Variants in VPS13A observed in about 807,000 individuals in gnomAD.
The protein encoded by VPS13A is vacuolar protein sorting 13 homolog A, also known as intermembrane lipid transfer protein VPS13A.
In VPS13A, 264 loss-of-function variants were observed where a neutral mutation model predicts 390.9. The observed-to-expected ratio is 0.68, with a 90% CI of 0.61 to 0.75. The LOEUF is 0.75. Ranked by LOEUF, VPS13A falls within the 30% of genes least tolerant of loss-of-function variation. The pLI, the probability that VPS13A is intolerant of heterozygous loss-of-function variation, is 0.00. For synonymous variants in VPS13A, 1,231 were observed against 1,227.1 expected (o/e 1.00, Z -0.07); for missense variants, 3,409 against 3,733.9 (o/e 0.91, Z 2.27).
intron 68 of VPS13A, among the ~76,000 whole-genome samples, chr9:77,398,139 T>C (rs1834195682): frequency 6.6e-6 from 1 of 152,164 alleles, no homozygotes; most frequent in African/African-American, 2.4e-5. Flanking sequence ...AAGATAGGAT[T>C]TTTGACACTA....
intron 12 of VPS13A, 76 bp downstream of exon 12, chr9:77,220,459 A>T: frequency 9.9e-7 from 1 of 1,008,680 alleles, no homozygotes; most frequent in Non-Finnish European, 1.5e-6. Flanking sequence ...CTTCAAGAAT[A>T]ATCTTTAAGA....
intron 3 of VPS13A, among the ~76,000 whole-genome samples, chr9:77,202,840 A>C (rs940000351): frequency 6.6e-6 from 1 of 152,192 alleles, no homozygotes; most frequent in African/African-American, 2.4e-5. Context: ...TTTGAGAGTC[A>C]TTTAAGGTGT....
intron 31 of VPS13A, among the ~76,000 whole-genome samples, chr9:77,290,517 GT>G (rs1312108229): frequency 1.3e-5 from 2 of 150,812 alleles, no homozygotes; most frequent in Admixed American, 6.6e-5. Context: ...TGGCTCCCCT[GT>G]TTTCTCCTCC....
At chr9:77,265,264 G>T (rs1300986493) in intron 23 of VPS13A, among the ~76,000 whole-genome samples, 2 of 152,072 alleles carry the variant, frequency 1.3e-5, no homozygotes, top group African/African-American at 4.8e-5. Flanking sequence ...TCTCTTTTTT[G>T]TGTGTGTCTC....
At chr9:77,326,257 ATTTGGGG>A (rs2131464674) in intron 45 of VPS13A, among the ~76,000 whole-genome samples, 1 of 151,582 alleles carries the variant, frequency 6.6e-6, no homozygotes, top group East Asian at 1.9e-4. Flanking sequence ...TGTTCCTTGT[ATTTGGGG>A]TTTACTGACC....
chr9:77,317,540 A>G, intron 39 of VPS13A, 66 bp from the exon 40 acceptor site: 5 of 1,226,518 alleles, frequency 4.1e-6, no homozygotes, highest in South Asian at 1.4e-5. Context: ...TTACTAGGAA[A>G]GTCTTTAAAT....
chr9:77,400,359 T>C (rs1206325043), intron 68 of VPS13A, among the ~76,000 whole-genome samples: 4 of 151,962 alleles, frequency 2.6e-5, no homozygotes, highest in African/African-American at 9.7e-5. Context: ...ACTCTATATC[T>C]CTGTATTGAC....
intron 31 of VPS13A, 87 bp from the exon 32 acceptor site, chr9:77,293,254 T>C (rs1456146988): frequency 5.7e-6 from 7 of 1,218,878 alleles, no homozygotes; most frequent in Non-Finnish European, 8.3e-6. Context: ...TCTAACTATG[T>C]TTTGTTATTT....
chr9:77,177,899 CTTGCT>C, intron 1 of VPS13A, 95 bp downstream of exon 1: 1 of 1,181,992 alleles, frequency 8.5e-7, no homozygotes, highest in Non-Finnish European at 1.2e-6. Flanking sequence ...CTTCGAGCAC[CTTGCT>C]CGCCGGGTGC....
intron 71 of VPS13A, among the ~76,000 whole-genome samples, chr9:77,412,368 C>G (rs1834976895): frequency 6.6e-6 from 1 of 152,176 alleles, no homozygotes; most frequent in South Asian, 2.1e-4. Flanking sequence ...AAACCGAATC[C>G]AGCAGCACAT....
At chr9:77,253,936 C>CT (rs1172781069) in intron 22 of VPS13A, among the ~76,000 whole-genome samples, 4,557 of 55,102 alleles carry the variant, frequency 0.083, 1,107 homozygotes, top group Non-Finnish European at 0.096. Context: ...GGCCTTTATT[C>CT]TTTTTTTTTT....
At chr9:77,268,192 G>T (rs143889247) in intron 23 of VPS13A, among the ~76,000 whole-genome samples, 27 of 152,346 alleles carry the variant, frequency 1.8e-4, no homozygotes, top group African/African-American at 6.0e-4. Flanking sequence ...TGCCACTGGG[G>T]TATGAAAGAA....
At chr9:77,367,778 A>C (rs1422277858) in intron 61 of VPS13A, among the ~76,000 whole-genome samples, 1 of 152,208 alleles carries the variant, frequency 6.6e-6, no homozygotes, top group East Asian at 1.9e-4. Flanking sequence ...AATGGGATTC[A>C]CAGGATCTCA....
chr9:77,326,479 C>T (rs2131465274), intron 45 of VPS13A, among the ~76,000 whole-genome samples: 1 of 152,018 alleles, frequency 6.6e-6, no homozygotes, highest in Admixed American at 6.6e-5. Context: ...CATAGTTTCT[C>T]TTGCTGTGTC....
intron 10 of VPS13A, among the ~76,000 whole-genome samples, chr9:77,216,645 C>T (rs1209192675): frequency 2.0e-5 from 3 of 151,996 alleles, no homozygotes; most frequent in Admixed American, 1.3e-4. Context: ...AAATATGTAT[C>T]TGAGGTATGT....
intron 17 of VPS13A, among the ~76,000 whole-genome samples, chr9:77,236,326 T>C (rs1824140360): frequency 6.6e-6 from 1 of 152,214 alleles, no homozygotes; most frequent in Non-Finnish European, 1.5e-5. Flanking sequence ...TCTTTGAGTG[T>C]AAGCTTATTT....
intron 69 of VPS13A, 93 bp from the exon 70 acceptor site, chr9:77,405,771 C>CCT: frequency 6.7e-7 from 1 of 1,488,560 alleles, no homozygotes; most frequent in Non-Finnish European, 9.2e-7. Context: ...ATGAATATTG[C>CCT]ATTTGCACTT....
chr9:77,209,899 A>T (rs563556081), intron 6 of VPS13A, among the ~76,000 whole-genome samples: 2 of 152,294 alleles, frequency 1.3e-5, no homozygotes, highest in South Asian at 4.1e-4. Flanking sequence ...TGAATAGGTC[A>T]TTTGTTTTCT....
intron 23 of VPS13A, among the ~76,000 whole-genome samples, chr9:77,269,553 C>A (rs1291021392): frequency 6.6e-6 from 1 of 152,146 alleles, no homozygotes; most frequent in African/African-American, 2.4e-5. Context: ...TTATCAATTT[C>A]CACAAAAATT....
Sources: allele counts gnomAD v4.1 joint callset (sites outside exome capture counted in the v4.1 genomes callset), GRCh38; gene constraint gnomAD v4.1.1; transcripts MANE v1.5; gene names NCBI Gene and HGNC (gene_info 2026-07-23, HGNC 2026-07-21).